ZFP14: variants seen among roughly 807,000 people sequenced by gnomAD.
ZFP14 encodes the protein zinc finger protein 14 homolog.
Under a neutral mutation model 54.5 loss-of-function variants are expected in ZFP14, and 22 were observed. The ratio of observed to expected loss-of-function variants is 0.40; its 90% CI spans 0.29 to 0.58. ZFP14 has a LOEUF of 0.58. Among genes scored for constraint, ZFP14 ranks in the 20% least tolerant of loss-of-function variants. ZFP14 has a pLI of 0.39. For synonymous variants in ZFP14, 159 were observed against 204.0 expected (o/e 0.78, Z 1.88); for missense variants, 470 against 637.8 (o/e 0.74, Z 2.83).
Position 36,340,467 on chromosome 19 carries a change from T to G in ZFP14, c.1359A>C (p.Glu453Asp), listed in dbSNP as rs1433856953. Residue 453 changes from glutamate (E) to aspartate (D), a missense_variant, in exon 5 of 5, where the codon GAA (glutamate) becomes GAC (aspartate). Coordinates refer to ENST00000270001, the MANE Select transcript of ZFP14 (RefSeq NM_020917.3). The surrounding 1 kb of genome is among the most constrained non-coding windows in gnomAD (Gnocchi z 5.4). ...QSIHTGEKPY[E>D]CKECRKPFRL... ...TAAAAGGTTTTCTACATTCCTTACA[T>G]TCATAAGGTTTCTCACCAGTGTGAA... The G allele has an allele frequency of 3.7e-6, 6 of 1,613,836 alleles. No homozygotes were observed. Among genetic ancestry groups the G allele is most frequent in the Non-Finnish European group, 5.1e-6 (6 of 1,179,832 alleles).
intron 1 of ZFP14, among the ~76,000 whole-genome samples, chr19:36,374,347 G>A (rs1001433676): frequency 3.3e-5 from 5 of 151,712 alleles, no homozygotes; most frequent in African/African-American, 7.3e-5. Context: ...AAAATTAGCC[G>A]GGCATGATGG....
chr19:36,362,058 G>A (rs2031719037), intron 3 of ZFP14, 54 bp downstream of exon 3: 2 of 1,533,452 alleles, frequency 1.3e-6, no homozygotes, highest in South Asian at 1.3e-5. Flanking sequence ...TCTAAATATA[G>A]TCCTGAAATT....
intron 4 of ZFP14, among the ~76,000 whole-genome samples, chr19:36,348,888 T>A (rs1350084328): frequency 1.3e-5 from 2 of 152,120 alleles, no homozygotes; most frequent in Non-Finnish European, 2.9e-5. Flanking sequence ...TTGTATTTTT[T>A]TTATCAATGC....
chr19:36,371,246 G>C (rs542685534), intron 1 of ZFP14, among the ~76,000 whole-genome samples: 62 of 152,064 alleles, frequency 4.1e-4, no homozygotes, highest in Admixed American at 8.5e-4. Context: ...CTGGGCGACA[G>C]AGCGAGACTC....
At chr19:36,377,153 C>T (rs1019280210) in intron 1 of ZFP14, among the ~76,000 whole-genome samples, 3 of 152,172 alleles carry the variant, frequency 2.0e-5, no homozygotes, top group Admixed American at 1.3e-4. Flanking sequence ...GATCCTGTCG[C>T]CAATCAAACC....
intron 2 of ZFP14, among the ~76,000 whole-genome samples, chr19:36,363,821 C>T (rs1323861389): frequency 1.3e-5 from 2 of 152,046 alleles, no homozygotes; most frequent in African/African-American, 2.4e-5. Flanking sequence ...GAAACCCTGT[C>T]TCTACTAAAA....
At chr19:36,364,471 G>C (rs997337965) in intron 2 of ZFP14, among the ~76,000 whole-genome samples, 1 of 152,140 alleles carries the variant, frequency 6.6e-6, no homozygotes, top group Non-Finnish European at 1.5e-5. Context: ...AGGACGACGA[G>C]GGGTGTAACT....
In ZFP14 at chr19:36,341,972, C is replaced by T. The variant is rs1296646295; in HGVS notation, c.236-382G>A. ...GTTCACGCCATTCTCCTGCCTCAGC[C>T]TCCCAAGTAGCTGGGACTACCGGCA... On this transcript the variant is annotated intron_variant, in intron 4 of 4. Coordinates refer to ENST00000270001, the MANE Select transcript of ZFP14 (RefSeq NM_020917.3). This position sits in a 1 kb window ranked among gnomAD's most constrained non-coding sequence, Gnocchi z 4.2. Among the ~76,000 whole-genome samples the T allele has an allele frequency of 2.6e-5, 4 of 152,060 alleles. No homozygotes were observed. The East Asian group carries it at 7.8e-4, about 30-fold the overall frequency.
At chr19:36,343,281 A>G (rs2031355417) in intron 4 of ZFP14, among the ~76,000 whole-genome samples, 1 of 152,240 alleles carries the variant, frequency 6.6e-6, no homozygotes, top group South Asian at 2.1e-4. Flanking sequence ...CTTTACCATT[A>G]TAATAAAATA....
At chr19:36,342,685 A>T (rs891242867) in intron 4 of ZFP14, among the ~76,000 whole-genome samples, 1 of 152,222 alleles carries the variant, frequency 6.6e-6, no homozygotes, top group Non-Finnish European at 1.5e-5. Flanking sequence ...AGGTGGGAGT[A>T]AGGTAAAGTG....
rs939605247 is a variant in ZFP14 at position 36,341,914 on chromosome 19, C to T, written c.236-324G>A. 9.9e-5 allele frequency among the ~76,000 whole-genome samples: 15 copies of T among 151,750 alleles called. No homozygotes were observed. The highest frequency in any genetic ancestry group is 1.9e-4 in the African/African-American group (8 of 41,378). ...TTGCCCAGGCTGGAGTGCAGTAGTG[C>T]GATCCCGGCTCACTGAAAGCTCCGC... On this transcript the variant is annotated intron_variant, in intron 4 of 4. Transcript: ENST00000270001. The surrounding 1 kb of genome is among the most constrained non-coding windows in gnomAD (Gnocchi z 4.2).
rs1432542012 is a variant in ZFP14 at position 36,367,888 on chromosome 19, G to A, written c.5C>T (p.Ala2Val). Residue 2 changes from alanine to valine, a missense_variant, in exon 2 of 5, where the codon GCC becomes GTC. Physicochemically the swap from Ala to Val is moderately conservative, Grantham distance 64 (BLOSUM62 0). Coordinates refer to ENST00000270001, the MANE Select transcript of ZFP14 (RefSeq NM_020917.3). MAHGSVTFRDVA... is the reference protein window; with the variant it reads MVHGSVTFRDVA... ...GACAGAGAAACATTAACTTACATGG[G>A]CCATGGTTTTAGAACTGCAAAAACT... The A allele has an allele frequency of 2.5e-6, 4 of 1,611,854 alleles. No homozygotes were observed. The highest frequency in any genetic ancestry group is 3.4e-6 in the Non-Finnish European group (4 of 1,178,840).
At chr19:36,363,449 C>T (rs556419832) in intron 2 of ZFP14, among the ~76,000 whole-genome samples, 4 of 152,088 alleles carry the variant, frequency 2.6e-5, no homozygotes, top group Non-Finnish European at 5.9e-5. Context: ...CCCGCCTCGG[C>T]TTCCCAAAGT....
intron 1 of ZFP14, among the ~76,000 whole-genome samples, chr19:36,373,756 T>C (rs904802875): frequency 1.4e-5 from 2 of 147,744 alleles, no homozygotes; most frequent in African/African-American, 5.0e-5. Flanking sequence ...ACAAAAAAAT[T>C]TTAAAAATTA....
At chr19:36,375,671 C>A (rs1260447692) in intron 1 of ZFP14, among the ~76,000 whole-genome samples, 1 of 151,824 alleles carries the variant, frequency 6.6e-6, no homozygotes, top group Non-Finnish European at 1.5e-5. Flanking sequence ...CATTCTCCTG[C>A]CTCAGCCTCC....
rs571512137 is a variant in ZFP14 at position 36,340,673 on chromosome 19, G to A, written c.1153C>T (p.Arg385Cys). The A allele has an allele frequency of 2.5e-5, 41 of 1,613,900 alleles. No individual in the cohort carries two copies. Among genetic ancestry groups the A allele is most frequent in the East Asian group, 6.7e-5 (3 of 44,854 alleles). ...KTFRLRQQLV[R>C]HQRIHTREKP... ...TCACGAGTATGTATTCTCTGATGGC[G>A]AACTAGTTGTTGTCTTAATCTAAAA... The change falls in exon 5 of 5, where the codon CGC (arginine) becomes TGC (cysteine). Residue 385 changes from arginine to cysteine, a missense_variant. Physicochemically the swap from Arg to Cys is radical, Grantham distance 180. Coordinates refer to ENST00000270001, the MANE Select transcript of ZFP14 (RefSeq NM_020917.3). The surrounding 1 kb of genome is among the most constrained non-coding windows in gnomAD (Gnocchi z 5.4).
Position 36,339,191 on chromosome 19 carries a change from T to C in ZFP14, c.*1033A>G, listed in dbSNP as rs1205874960. ...TGACAGGAGGCATTTCTACATTTAT[T>C]ATGTCTACAGATCTTCCTTTTACGT... On this transcript the variant is annotated 3_prime_UTR_variant, in exon 5 of 5. Transcript: ENST00000270001. 6.6e-6 allele frequency: 1 copy of C among 152,230 alleles called. No homozygotes were observed. Among genetic ancestry groups the C allele is most frequent in the African/African-American group, 2.4e-5 (1 of 41,456 alleles). The allele number at this position is 152,230 out of a possible 1,614,324, so 9.4% of individuals were successfully genotyped here.
At chr19:36,366,184 C>T (rs2031791442) in intron 2 of ZFP14, among the ~76,000 whole-genome samples, 1 of 151,882 alleles carries the variant, frequency 6.6e-6, no homozygotes, top group African/African-American at 2.4e-5. Context: ...AGGAGAATCG[C>T]TTGAACCCAG....
chr19:36,348,348 C>T (rs2031455569), intron 4 of ZFP14, among the ~76,000 whole-genome samples: 1 of 152,174 alleles, frequency 6.6e-6, no homozygotes, highest in Non-Finnish European at 1.5e-5. Flanking sequence ...ATAGCTATCA[C>T]TGATAAACCT....
Sources: allele counts gnomAD v4.1 joint callset (sites outside exome capture counted in the v4.1 genomes callset), GRCh38; gene constraint gnomAD v4.1.1; non-coding constraint Gnocchi (gnomAD v3.1); transcripts MANE v1.5; gene names NCBI Gene and HGNC (gene_info 2026-07-23, HGNC 2026-07-21).